Variants in SPMIP2 observed in about 807,000 individuals in gnomAD.
The protein encoded by SPMIP2 is sperm microtubule inner protein 2.
chr4:158,973,507 GTTAA>G, the SPMIP2 span, among the ~76,000 whole-genome samples: 4 of 151,982 alleles, frequency 2.6e-5, no homozygotes, highest in Non-Finnish European at 4.4e-5. Flanking sequence ...ATGCTTATCT[GTTAA>G]TTAATGTTTA....
the SPMIP2 span, chr4:159,035,314 A>C: frequency 2.1e-6 from 1 of 480,124 alleles, no homozygotes; most frequent in East Asian, 3.1e-5. Flanking sequence ...ATACTGCTAT[A>C]GTCTTCCCAG....
the SPMIP2 span, among the ~76,000 whole-genome samples, chr4:158,991,063 C>G: frequency 6.6e-6 from 1 of 152,226 alleles, no homozygotes; most frequent in Admixed American, 6.5e-5. Context: ...CAGGCACATG[C>G]CACCAAGCTC....
At chr4:158,969,037 A>G in the SPMIP2 span, among the ~76,000 whole-genome samples, 1 of 152,060 alleles carries the variant, frequency 6.6e-6, no homozygotes, top group African/African-American at 2.4e-5. Context: ...TTTTTAAAAT[A>G]TATAATATAT....
chr4:159,074,128 T>C, the SPMIP2 span, among the ~76,000 whole-genome samples: 1 of 152,212 alleles, frequency 6.6e-6, no homozygotes, highest in Non-Finnish European at 1.5e-5. Flanking sequence ...CTTGCCAGCA[T>C]CACTGAATTA....
At chr4:158,994,146 A>C in the SPMIP2 span, among the ~76,000 whole-genome samples, 1 of 152,204 alleles carries the variant, frequency 6.6e-6, no homozygotes. Context: ...CCTCATTTGT[A>C]AGCTCTTGGA....
At chr4:158,925,812 A>T in the SPMIP2 span, among the ~76,000 whole-genome samples, 3 of 152,220 alleles carry the variant, frequency 2.0e-5, no homozygotes, top group Non-Finnish European at 2.9e-5. Flanking sequence ...GTAACAAAAT[A>T]CCATACACTG....
the SPMIP2 span, among the ~76,000 whole-genome samples, chr4:158,931,647 C>T: frequency 7.6e-4 from 115 of 152,252 alleles, 1 homozygote; most frequent in African/African-American, 2.5e-3. Context: ...ACCACAACCT[C>T]CACCTCCCAG....
At chr4:158,995,682 C>T in the SPMIP2 span, among the ~76,000 whole-genome samples, 2 of 152,010 alleles carry the variant, frequency 1.3e-5, no homozygotes, top group Non-Finnish European at 2.9e-5. Flanking sequence ...CATAGTGAAA[C>T]CCTGTCTCTA....
chr4:158,979,789 G>GTT, the SPMIP2 span, among the ~76,000 whole-genome samples: 18,286 of 102,342 alleles, frequency 0.18, 2,564 homozygotes, highest in African/African-American at 0.25. Flanking sequence ...AGTTGCAAGA[G>GTT]TTTTTTTTTT....
At chr4:159,042,325 T>G in the SPMIP2 span, among the ~76,000 whole-genome samples, 1 of 152,242 alleles carries the variant, frequency 6.6e-6, no homozygotes, top group Admixed American at 6.5e-5. Flanking sequence ...AAGTTTTGAC[T>G]TGGCTGCTGC....
At chr4:158,940,728 GTT>G in the SPMIP2 span, among the ~76,000 whole-genome samples, 1 of 152,054 alleles carries the variant, frequency 6.6e-6, no homozygotes, top group Non-Finnish European at 1.5e-5. Flanking sequence ...AGTTTGTTGT[GTT>G]TTTCCTAAAG....
At chr4:159,013,566 A>AGGG in the SPMIP2 span, among the ~76,000 whole-genome samples, 3 of 152,140 alleles carry the variant, frequency 2.0e-5, no homozygotes, top group Non-Finnish European at 2.9e-5. Flanking sequence ...AGACAGAGAG[A>AGGG]GGAAGGCCTG....
the SPMIP2 span, among the ~76,000 whole-genome samples, chr4:159,067,579 T>C: frequency 3.9e-5 from 6 of 152,174 alleles, no homozygotes; most frequent in Admixed American, 3.9e-4. Flanking sequence ...TGAAATTAAG[T>C]ATCAATAGAA....
chr4:158,927,377 A>G, the SPMIP2 span, among the ~76,000 whole-genome samples: 5 of 152,196 alleles, frequency 3.3e-5, no homozygotes, highest in Non-Finnish European at 7.3e-5. Flanking sequence ...TCTAGAGTAT[A>G]TCTCTTATAC....
At chr4:159,008,230 A>G in the SPMIP2 span, among the ~76,000 whole-genome samples, 1 of 152,214 alleles carries the variant, frequency 6.6e-6, no homozygotes. Context: ...TTCAGATTTT[A>G]TCTGTAAGGT....
the SPMIP2 span, among the ~76,000 whole-genome samples, chr4:159,000,494 CTTTTTTTTT>C: frequency 3.8e-5 from 5 of 130,004 alleles, no homozygotes; most frequent in Non-Finnish European, 8.1e-5. Context: ...TCTTCTTCTT[CTTTTTTTTT>C]TTTTTTTTTG....
chr4:158,973,830 A>G, the SPMIP2 span, among the ~76,000 whole-genome samples: 1 of 152,002 alleles, frequency 6.6e-6, no homozygotes, highest in Non-Finnish European at 1.5e-5. Flanking sequence ...TCTACAAAAA[A>G]TAAAAATTAG....
the SPMIP2 span, among the ~76,000 whole-genome samples, chr4:158,964,198 T>C: frequency 7.3e-6 from 1 of 136,956 alleles, no homozygotes; most frequent in Non-Finnish European, 1.6e-5. Flanking sequence ...AAAAAACATG[T>C]GGAGGGATCA....
the SPMIP2 span, among the ~76,000 whole-genome samples, chr4:159,081,205 T>C: frequency 6.6e-6 from 1 of 151,742 alleles, no homozygotes; most frequent in African/African-American, 2.4e-5. Context: ...ACCTGGCTAA[T>C]TTTTTGTATT....
Sources: gnomAD v4.1 joint callset for allele counts (sites outside exome capture counted in the v4.1 genomes callset) on GRCh38, gnomAD v4.1.1 for gene constraint, MANE v1.5 for transcripts, NCBI Gene and HGNC (gene_info 2026-07-23, HGNC 2026-07-21) for gene names.